TAFA4: variants seen among roughly 807,000 people sequenced by gnomAD.
The protein encoded by TAFA4 is chemokine-like protein TAFA-4.
Under a neutral mutation model 21.1 loss-of-function variants are expected in TAFA4, and 20 were observed. The observed-to-expected ratio is 0.95, with a 90% confidence interval of 0.67 to 1.38. The LOEUF is 1.38. Among genes scored for constraint, TAFA4 ranks in the 40% most tolerant of loss-of-function variants. The probability of loss-of-function intolerance (pLI) is 0.00; values close to 1 mark genes in which losing one functional copy is unlikely to be tolerated. For missense variants in TAFA4, 211 were observed against 180.9 expected, an observed-to-expected ratio of 1.17 and a Z score of -0.95; for synonymous variants, 71 against 67.4, an observed-to-expected ratio of 1.05 and a Z score of -0.26.
At chr3:68,846,589 G>A (rs1408273062) in intron 3 of TAFA4, among the ~76,000 whole-genome samples, 2 of 152,138 alleles carry the variant, frequency 1.3e-5, no homozygotes, top group African/African-American at 4.8e-5. Flanking sequence ...CTTTGAAAGA[G>A]AAGAGGCATT....
At chr3:68,804,069 T>C (rs1260738627) in intron 3 of TAFA4, among the ~76,000 whole-genome samples, 3 of 152,034 alleles carry the variant, frequency 2.0e-5, no homozygotes, top group Non-Finnish European at 4.4e-5. Context: ...ATTATAGGTG[T>C]GAGCCATCAT....
At chr3:68,801,082 G>A (rs546542627) in intron 3 of TAFA4, among the ~76,000 whole-genome samples, 2 of 152,244 alleles carry the variant, frequency 1.3e-5, no homozygotes, top group East Asian at 3.9e-4. Context: ...CCAGACTCCA[G>A]AATTTCACAG....
chr3:68,926,457 G>C (rs902307301), intron 1 of TAFA4, among the ~76,000 whole-genome samples: 1 of 152,064 alleles, frequency 6.6e-6, no homozygotes, highest in Non-Finnish European at 1.5e-5. Context: ...GAAGCCTAGG[G>C]TGATGAAAAG....
chr3:68,774,228 C>G (rs574799732), intron 3 of TAFA4, among the ~76,000 whole-genome samples: 201 of 152,324 alleles, frequency 1.3e-3, no homozygotes, highest in African/African-American at 4.4e-3. Flanking sequence ...AATTTATAAA[C>G]AAGGCCAAAT....
intron 3 of TAFA4, among the ~76,000 whole-genome samples, chr3:68,806,902 G>A (rs1703713669): frequency 6.6e-6 from 1 of 152,110 alleles, no homozygotes; most frequent in Admixed American, 6.6e-5. Context: ...CTCGGTATAT[G>A]GTATTCTGTT....
chr3:68,797,495 A>C (rs6772182), intron 3 of TAFA4, among the ~76,000 whole-genome samples: 104,229 of 151,234 alleles, frequency 0.69, 36,402 homozygotes, highest in East Asian at 0.98. Flanking sequence ...CACCTGTAGG[A>C]CCAGCTACTT....
At chr3:68,863,599 T>C (rs1232405895) in intron 3 of TAFA4, among the ~76,000 whole-genome samples, 3 of 152,116 alleles carry the variant, frequency 2.0e-5, no homozygotes, top group Non-Finnish European at 4.4e-5. Context: ...AGTAAACAAT[T>C]TGTTGTAGTA....
At chr3:68,849,147 A>G (rs1266451652) in intron 3 of TAFA4, among the ~76,000 whole-genome samples, 1 of 152,150 alleles carries the variant, frequency 6.6e-6, no homozygotes, top group African/African-American at 2.4e-5. Context: ...CTAATAACAC[A>G]TATTTCCTTC....
intron 5 of TAFA4, among the ~76,000 whole-genome samples, chr3:68,737,697 C>A (rs1478799219): frequency 6.6e-5 from 10 of 152,102 alleles, no homozygotes; most frequent in African/African-American, 2.2e-4. Flanking sequence ...AGTTCAAGTT[C>A]ACACTTAGAA....
chr3:68,823,527 C>T (rs557253942), intron 3 of TAFA4, among the ~76,000 whole-genome samples: 5 of 152,260 alleles, frequency 3.3e-5, no homozygotes, highest in African/African-American at 1.2e-4. Flanking sequence ...TGGTGGTTCA[C>T]TACACCTATC....
intron 3 of TAFA4, among the ~76,000 whole-genome samples, chr3:68,839,423 C>T (rs1704601781): frequency 6.6e-6 from 1 of 152,136 alleles, no homozygotes; most frequent in African/African-American, 2.4e-5. Flanking sequence ...AAAACAACAA[C>T]AATGAACAAA....
intron 3 of TAFA4, among the ~76,000 whole-genome samples, chr3:68,756,433 C>G (rs1414392831): frequency 1.3e-5 from 2 of 152,216 alleles, no homozygotes; most frequent in Non-Finnish European, 2.9e-5. Flanking sequence ...AGGATTCCCA[C>G]TGGTTAATGC....
chr3:68,744,299 C>T (rs1702412049), intron 4 of TAFA4, among the ~76,000 whole-genome samples: 1 of 152,150 alleles, frequency 6.6e-6, no homozygotes, highest in Non-Finnish European at 1.5e-5. Context: ...GTCAGGGAAG[C>T]CCTGGACACC....
chr3:68,801,439 T>G (rs1425548174), intron 3 of TAFA4, among the ~76,000 whole-genome samples: 3 of 152,232 alleles, frequency 2.0e-5, no homozygotes, highest in Admixed American at 2.0e-4. Context: ...GGCTCTTCAG[T>G]GGCTAACATA....
At chr3:68,891,595 G>A (rs150425277) in intron 1 of TAFA4, among the ~76,000 whole-genome samples, 145 of 152,258 alleles carry the variant, frequency 9.5e-4, no homozygotes, top group African/African-American at 3.0e-3. Flanking sequence ...ACCCTAAAGC[G>A]TTTAGATATT....
At chr3:68,843,824 T>G (rs1332091820) in intron 3 of TAFA4, among the ~76,000 whole-genome samples, 1 of 152,220 alleles carries the variant, frequency 6.6e-6, no homozygotes, top group Non-Finnish European at 1.5e-5. Flanking sequence ...TACAGTTATT[T>G]ATTTTCATAT....
intron 3 of TAFA4, among the ~76,000 whole-genome samples, chr3:68,772,338 G>A (rs1481899532): frequency 6.6e-6 from 1 of 152,230 alleles, no homozygotes; most frequent in Non-Finnish European, 1.5e-5. Context: ...GGGTGTTTCT[G>A]TGAGGACATT....
rs6801923 is a variant in TAFA4 at position 68,819,991 on chromosome 3, C to G, written c.130+60739G>C. On this transcript the variant is annotated intron_variant, in intron 3 of 5. Transcript: ENST00000295569. ...AGAGAGATACCTGTACTCCCACATTCATTGCAGCACTATTCACAATAACCA... is the reference window on the plus strand; with the variant it reads ...AGAGAGATACCTGTACTCCCACATTGATTGCAGCACTATTCACAATAACCA... Among the ~76,000 whole-genome samples, 1,073 of 152,292 alleles carry G rather than the reference C, an allele frequency of 7.0e-3. 14 individuals carry two copies. The highest frequency in any genetic ancestry group is 0.024 in the African/African-American group (999 of 41,564).
At chr3:68,737,078 C>G (rs1702254123) in intron 5 of TAFA4, among the ~76,000 whole-genome samples, 1 of 152,070 alleles carries the variant, frequency 6.6e-6, no homozygotes, top group South Asian at 2.1e-4. Flanking sequence ...GCCGTTCTAC[C>G]AAGAGAACTA....
Sources: allele counts gnomAD v4.1 joint callset (sites outside exome capture counted in the v4.1 genomes callset), GRCh38; gene constraint gnomAD v4.1.1; transcripts MANE v1.5; gene names NCBI Gene and HGNC (gene_info 2026-07-23, HGNC 2026-07-21).